The following HAS3 variants were observed in gnomAD, a reference collection of about 807,000 sequenced individuals.
The protein encoded by HAS3 is hyaluronan synthase 3.
HAS3 carries 27 observed loss-of-function variants against 50.3 expected under a neutral mutation model. The observed-to-expected ratio is 0.54, with a 90% CI of 0.40 to 0.74. The LOEUF (loss-of-function observed/expected upper bound fraction) is 0.74, where lower values mean the gene tolerates loss of function less well. Ranked by LOEUF, HAS3 falls within the 30% of genes least tolerant of loss-of-function variation. The pLI is 0.00. For missense variants in HAS3, 517 were observed against 742.8 expected (o/e 0.70, Z 3.53); for synonymous variants, 339 against 310.9 (o/e 1.09, Z -0.95).
At position 69,109,521 on chromosome 16, in the gene HAS3, C is replaced by T. The variant is rs1465870485; in HGVS notation, c.126C>T (p.Tyr42=). 7 of 1,613,954 alleles carry T rather than the reference C, an allele frequency of 4.3e-6. No homozygotes were observed. The highest frequency in any genetic ancestry group is 1.6e-4 in the Middle Eastern group (1 of 6,084). Reference sequence around the variant, plus strand: ...AGTTCATCCACACGGAAAAGCACTACCTGTCCTTCGGCCTGTACGGCGCCA... The same window carrying T: ...AGTTCATCCACACGGAAAAGCACTATCTGTCCTTCGGCCTGTACGGCGCCA... ...GYQFIHTEKH[Y]LSFGLYGAIL... Residue 42 remains tyrosine, a synonymous_variant, in exon 2 of 4, where the codon TAC becomes TAT. Transcript: ENST00000569188. This position sits in a 1 kb window ranked among gnomAD's most constrained non-coding sequence, Gnocchi z 5.3.
At chr16:69,108,507 C>A (rs930746181) in intron 1 of HAS3, among the ~76,000 whole-genome samples, 4 of 152,118 alleles carry the variant, frequency 2.6e-5, no homozygotes. Context: ...AAATGGAAAC[C>A]GGGCATTGTT....
chr16:69,087,110 G>T, the HAS3 span, among the ~76,000 whole-genome samples: 1 of 151,852 alleles, frequency 6.6e-6, no homozygotes, highest in Non-Finnish European at 1.5e-5. Context: ...CACCTTCGGC[G>T]TCCTCCACCA....
chr16:69,114,527 TAGGCAGCA>T lies in HAS3; in HGVS notation c.926_933del (p.Gly309ValfsTer6). On this transcript the variant is annotated frameshift_variant, in exon 4 of 4. Coordinates refer to ENST00000569188, the MANE Select transcript of HAS3 (RefSeq NM_001199280.2). LOFTEE classifies it high-confidence loss of function. This position sits in a 1 kb window ranked among gnomAD's most constrained non-coding sequence, Gnocchi z 6.4. ...GAGGACTGGTACCATCAGAAGTTCC[TAGGCAGCA>T]AGTGCAGCTTCGGGGATGACCGGCA... The T allele has an allele frequency of 6.2e-7, 1 of 1,614,110 alleles. No homozygotes were observed. The highest frequency in any genetic ancestry group is 8.5e-7 in the Non-Finnish European group (1 of 1,180,010).
At chr16:69,118,216 G>A (rs558377340), downstream of HAS3, 7 of 493,116 alleles carry the variant, frequency 1.4e-5, no homozygotes, top group Admixed American at 1.4e-4. Flanking sequence ...AGAGGGAGTT[G>A]GATGAGTAGA....
At chr16:69,094,400 A>G in the HAS3 span, among the ~76,000 whole-genome samples, 1 of 152,170 alleles carries the variant, frequency 6.6e-6, no homozygotes, top group Non-Finnish European at 1.5e-5. Context: ...CTTGGCGACC[A>G]TGTTAATCCT....
chr16:69,100,264 C>G, the HAS3 span, among the ~76,000 whole-genome samples: 1 of 152,218 alleles, frequency 6.6e-6, no homozygotes, highest in Non-Finnish European at 1.5e-5. Flanking sequence ...CACACACTTT[C>G]CACTTTGAAT....
chr16:69,085,471 G>A, the HAS3 span, among the ~76,000 whole-genome samples: 5 of 152,148 alleles, frequency 3.3e-5, no homozygotes, highest in Admixed American at 2.6e-4. Context: ...TCACTACGTT[G>A]CCCAGGCTAT....
the HAS3 span, among the ~76,000 whole-genome samples, chr16:69,086,546 G>A: frequency 6.6e-6 from 1 of 151,830 alleles, no homozygotes; most frequent in African/African-American, 2.4e-5. Context: ...GTGTGTGTGT[G>A]TGTGTGTGTG....
Position 69,116,274 on chromosome 16 carries a change from G to A in HAS3, c.*1008G>A, listed in dbSNP as rs1431952022. On this transcript the variant is annotated 3_prime_UTR_variant, in exon 4 of 4. Coordinates refer to ENST00000569188, the MANE Select transcript of HAS3 (RefSeq NM_001199280.2). ...CATCATCATAGGTAAGGTTTTCAAGGTGGCAATTGGGGCGGAGCCCCGGCT... is the reference window on the plus strand; with the variant it reads ...CATCATCATAGGTAAGGTTTTCAAGATGGCAATTGGGGCGGAGCCCCGGCT... 8 of 985,574 alleles carry A rather than the reference G, an allele frequency of 8.1e-6. No homozygotes were observed. The highest frequency in any genetic ancestry group is 5.2e-5 in the African/African-American group (3 of 57,250). The allele number at this position is 985,574 out of a possible 1,614,324, so 61.1% of individuals were successfully genotyped here. A position where few individuals can be genotyped will look rare whatever the true frequency, so the allele number is the denominator to read the frequency against.
intron 1 of HAS3, among the ~76,000 whole-genome samples, chr16:69,108,033 C>G (rs1273122103): frequency 3.3e-5 from 5 of 152,206 alleles, no homozygotes; most frequent in Admixed American, 3.3e-4. Flanking sequence ...GCTCCGTTTC[C>G]TGAGACCTAA....
Position 69,116,973 on chromosome 16 carries a change from T to G in HAS3, c.*1707T>G, listed in dbSNP as rs745843768. On this transcript the variant is annotated 3_prime_UTR_variant, in exon 4 of 4. Transcript: ENST00000569188. The stretch of plus-strand genomic sequence containing the variant: ...CTCTGAGCCACAGATGGGCAAACCC[T>G]GGTGCTTTCCTTCATCTCCCACGAA... 5 of 985,462 alleles carry G rather than the reference T, an allele frequency of 5.1e-6. No individual in the cohort carries two copies. Among genetic ancestry groups the G allele is most frequent in the Non-Finnish European group, 4.8e-6 (4 of 829,944 alleles). The allele number at this position is 985,462 out of a possible 1,614,324, so 61.0% of individuals were successfully genotyped here.
the HAS3 span, among the ~76,000 whole-genome samples, chr16:69,093,865 G>A: frequency 1.3e-5 from 2 of 152,250 alleles, no homozygotes; most frequent in African/African-American, 4.8e-5. Flanking sequence ...TTCCTTGCAA[G>A]AAGCTCAAAG....
In HAS3 at chr16:69,114,848, C is replaced by T. The variant is rs768898773; in HGVS notation, c.1244C>T (p.Thr415Met). Residue 415 changes from threonine (T) to methionine (M), a missense_variant, in exon 4 of 4, where the codon ACG becomes ATG. Transcript: ENST00000569188. This position sits in a 1 kb window ranked among gnomAD's most constrained non-coding sequence, Gnocchi z 6.4. ...RIWNILLFLL[T>M]VQLVGIIKAT... Reference sequence around the variant, plus strand: ...TGGAACATTCTCCTCTTCCTGCTGACGGTGCAGCTGGTGGGCATTATCAAG... The same window carrying T: ...TGGAACATTCTCCTCTTCCTGCTGATGGTGCAGCTGGTGGGCATTATCAAG... The T allele has an allele frequency of 9.3e-6, 15 of 1,613,904 alleles. No individual in the cohort carries two copies. Among genetic ancestry groups the T allele is most frequent in the Admixed American group, 1.7e-5 (1 of 59,996 alleles).
chr16:69,101,381 A>G (rs1010784707), upstream of HAS3, among the ~76,000 whole-genome samples: 5 of 151,768 alleles, frequency 3.3e-5, no homozygotes, highest in Non-Finnish European at 5.9e-5. Flanking sequence ...GCTCACTGCA[A>G]CCTCCGCCTC....
upstream of HAS3, among the ~76,000 whole-genome samples, chr16:69,101,012 T>C (rs1960691596): frequency 6.6e-6 from 1 of 152,178 alleles, no homozygotes; most frequent in Non-Finnish European, 1.5e-5. Flanking sequence ...CTCAGCCTTT[T>C]ATTGTTGCAT....
chr16:69,111,289 C>T (rs377447190), intron 2 of HAS3, among the ~76,000 whole-genome samples: 1 of 146,200 alleles, frequency 6.8e-6, no homozygotes, highest in Non-Finnish European at 1.5e-5. Flanking sequence ...TCAGGCTGGT[C>T]TTGAACTCCT....
chr16:69,091,080 G>A, the HAS3 span, among the ~76,000 whole-genome samples: 5 of 152,192 alleles, frequency 3.3e-5, no homozygotes, highest in East Asian at 1.9e-4. Flanking sequence ...AAGAGATACC[G>A]TATTTCCAAA....
chr16:69,111,087 T>C (rs2152257563), intron 2 of HAS3, among the ~76,000 whole-genome samples: 1 of 149,784 alleles, frequency 6.7e-6, no homozygotes, highest in Non-Finnish European at 1.5e-5. Context: ...AACTCAAGAG[T>C]TGAAAAGATT....
chr16:69,098,756 C>T, the HAS3 span, among the ~76,000 whole-genome samples: 1 of 150,386 alleles, frequency 6.6e-6, no homozygotes, highest in East Asian at 2.0e-4. Flanking sequence ...ACCTCCGCCT[C>T]CCAGGTTCAA....
Sources: gnomAD v4.1 joint callset for allele counts (sites outside exome capture counted in the v4.1 genomes callset) on GRCh38, gnomAD v4.1.1 for gene constraint, Gnocchi (gnomAD v3.1) non-coding constraint, MANE v1.5 for transcripts, NCBI Gene and HGNC (gene_info 2026-07-23, HGNC 2026-07-21) for gene names.